CTDP1: variants seen among roughly 807,000 people sequenced by gnomAD.
CTDP1 encodes the protein RNA polymerase II subunit A C-terminal domain phosphatase.
A neutral mutation model predicts 91.8 loss-of-function variants in CTDP1; 47 were observed. That is an observed-to-expected ratio of 0.51 (90% CI 0.41 to 0.65). The LOEUF is 0.65. Among genes scored for constraint, CTDP1 ranks in the 30% least tolerant of loss-of-function variants. The pLI is 0.00. For missense variants in CTDP1, 1,272 were observed against 1,373.7 expected (o/e 0.93, Z 1.17); for synonymous variants, 656 against 598.5 (o/e 1.10, Z -1.40).
intron 11 of CTDP1, 77 bp from the exon 12 acceptor site, chr18:79,736,278 C>T (rs2086664766): frequency 7.1e-6 from 11 of 1,539,692 alleles, no homozygotes; most frequent in Non-Finnish European, 6.1e-6. Context: ...GAGCCCTGGA[C>T]TCTGCCGGGA....
chr18:79,678,042 CAG>C (rs964456269), upstream of CTDP1: 5 of 152,272 alleles, frequency 3.3e-5, no homozygotes, highest in South Asian at 2.1e-4. Flanking sequence ...GAGAAAGCAG[CAG>C]AGATAGTCAA....
Position 79,729,046 on chromosome 18 carries a change from G to A in CTDP1, c.2557G>A (p.Asp853Asn). 1.2e-6 allele frequency: 2 copies of A among 1,613,718 alleles called. No homozygotes were observed. The highest frequency in any genetic ancestry group is 1.7e-6 in the Non-Finnish European group (2 of 1,180,040). ...TMPLYTLCKE[D>N]LESMDKEVDD... is the part of the protein sequence containing the mutation. ...GCCGCTGTACACTCTTTGTAAGGAG[G>A]ATTTAGAGAGTATGGACAAAGAGGT... Residue 853 changes from aspartate to asparagine, a missense_variant, in exon 11 of 13, where the codon GAT (aspartate) becomes AAT (asparagine). This residue lies in a region of CTDP1 where 881 missense variants were observed against 911.6 expected (regional missense o/e 0.97). Coordinates refer to ENST00000613122, the MANE Select transcript of CTDP1 (RefSeq NM_004715.5).
rs2086164149 is a variant in CTDP1, at chr18:79,714,759, C to T, written c.1299C>T (p.Gly433=). 6.2e-7 allele frequency: 1 copy of T among 1,600,516 alleles called. No homozygotes were observed. The highest frequency in any genetic ancestry group is 1.7e-5 in the Admixed American group (1 of 57,522). Residue 433 remains glycine (G), a synonymous_variant, in exon 8 of 13, where the codon GGC becomes GGT. Coordinates refer to ENST00000613122, the MANE Select transcript of CTDP1 (RefSeq NM_004715.5). ...CCCAGGGATCCTGTGCGCAGGGTGG[C>T]CGGGTGGCACCGGGACAGCGGCCTG... ...PEPQGSCAQG[G]RVAPGQRPAQ...
rs868676183 is a variant in CTDP1 at position 79,679,857 on chromosome 18, G to A, written c.-91G>A. On this transcript the variant is annotated 5_prime_UTR_variant, in exon 1 of 13. Transcript: ENST00000613122. Reference sequence around the variant, plus strand: ...AGCCGGTACCGAGAGGAACTACAGCGTCGCCGCCTGGGTTGTGTCGCCGCG... The same window carrying A: ...AGCCGGTACCGAGAGGAACTACAGCATCGCCGCCTGGGTTGTGTCGCCGCG... The A allele has an allele frequency of 3.9e-5, 47 of 1,220,760 alleles. No individual in the cohort carries two copies. In the Middle Eastern group the frequency reaches 1.2e-3, roughly 32 times the overall value. 75.6% of individuals were successfully genotyped at this position (1,220,760 alleles called of 1,614,324 possible).
intron 4 of CTDP1, among the ~76,000 whole-genome samples, chr18:79,701,316 C>G (rs2085850982): frequency 6.6e-6 from 1 of 152,032 alleles, no homozygotes; most frequent in South Asian, 2.1e-4. Flanking sequence ...CAAGACCATC[C>G]TGGCTAATGC....
Position 79,710,330 on chromosome 18 carries a change from T to C in CTDP1, c.773-16T>C. 6.2e-7 allele frequency: 1 copy of C among 1,602,568 alleles called. No homozygotes were observed. Among genetic ancestry groups the C allele is most frequent in the Non-Finnish European group, 8.6e-7 (1 of 1,169,588 alleles). ...TGTCTCAGGTATGTAATCTTTGTCCTGTTTTCTTTTCCAAGGCTTTTTAGA... is the reference window on the plus strand; with the variant it reads ...TGTCTCAGGTATGTAATCTTTGTCCCGTTTTCTTTTCCAAGGCTTTTTAGA... On this transcript the variant is annotated splice_polypyrimidine_tract_variant and intron_variant, in intron 5 of 12. Coordinates refer to ENST00000613122, the MANE Select transcript of CTDP1 (RefSeq NM_004715.5).
chr18:79,714,455 A>G, intron 7 of CTDP1, 36 bp from the exon 8 acceptor site: 3 of 1,607,212 alleles, frequency 1.9e-6, no homozygotes, highest in Non-Finnish European at 2.6e-6. Flanking sequence ...TTTAATGCTA[A>G]ATTGCGGTAA....
rs2086156207 is a variant in CTDP1 at position 79,714,572 on chromosome 18, TG to T, written c.1114del (p.Glu372SerfsTer13). On this transcript the variant is annotated frameshift_variant, in exon 8 of 13. Transcript: ENST00000613122. LOFTEE classifies it high-confidence loss of function. Reference protein sequence around the residue: ...DPEGVTQAPGVEPSNGLEKPA... With the variant: ...DPEGVTQAPGXEPSNGLEKPA... ...GAGGGGGTAACGCAGGCCCCTGGAGTGGAGCCCAGCAATGGCCTGGAGAAGC... is the reference window on the plus strand; with the variant it reads ...GAGGGGGTAACGCAGGCCCCTGGAGTGAGCCCAGCAATGGCCTGGAGAAGC... 1 of 1,613,026 alleles carries T rather than the reference TG, an allele frequency of 6.2e-7. No individual in the cohort carries two copies. The highest frequency in any genetic ancestry group is 8.5e-7 in the Non-Finnish European group (1 of 1,180,000).
In CTDP1 at chr18:79,715,059, G is replaced by A; in HGVS notation, c.1599G>A (p.Gln533=). 6.2e-7 allele frequency: 1 copy of A among 1,611,416 alleles called. No homozygotes were observed. Residue 533 remains glutamine (Q), a synonymous_variant, in exon 8 of 13, where the codon CAG becomes CAA. Transcript: ENST00000613122. Reference sequence around the variant, plus strand: ...ACAAGGAGCCTGAGCTGGGTGGGCAGGAGGAGGGCGAGCGGGATGGCCTCT... The same window carrying A: ...ACAAGGAGCCTGAGCTGGGTGGGCAAGAGGAGGGCGAGCGGGATGGCCTCT... ...APDKEPELGG[Q]EEGERDGLCG...
At position 79,715,546 on chromosome 18, in the gene CTDP1, G is replaced by A. The variant is rs1450859565; in HGVS notation, c.2068+18G>A. 8.4e-6 allele frequency: 13 copies of A among 1,539,984 alleles called. No homozygotes were observed. The highest frequency in any genetic ancestry group is 4.4e-4 in the Middle Eastern group (2 of 4,572). On this transcript the variant is annotated intron_variant, in intron 8 of 12. Transcript: ENST00000613122. ...GCGAGCTGGTGAGTGCTGCCTCCCT[G>A]TGCCCTGGGCATGGTCAGGCCCGCG...
intron 8 of CTDP1, among the ~76,000 whole-genome samples, chr18:79,717,112 C>G (rs905027808): frequency 2.0e-5 from 3 of 150,880 alleles, no homozygotes; most frequent in African/African-American, 4.9e-5. Context: ...AGTGAGGGCC[C>G]TGAGCCCTGG....
Position 79,714,621 on chromosome 18 carries a change from CGA to C in CTDP1, c.1163_1164del (p.Glu388GlyfsTer36). 1 of 1,612,708 alleles carries C rather than the reference CGA, an allele frequency of 6.2e-7. No individual in the cohort carries two copies. The highest frequency in any genetic ancestry group is 8.5e-7 in the Non-Finnish European group (1 of 1,179,910). ...EKPARELNGSEAATPRDSPRP... is the reference protein window; with the variant it reads ...EKPARELNGSXAATPRDSPRP... Reference sequence around the variant, plus strand: ...AGCCTGCACGGGAGCTGAACGGCAGCGAGGCCGCCACCCCGCGGGACTCACCC... The same window carrying C: ...AGCCTGCACGGGAGCTGAACGGCAGCGGCCGCCACCCCGCGGGACTCACCC... On this transcript the variant is annotated frameshift_variant, in exon 8 of 13. Coordinates refer to ENST00000613122, the MANE Select transcript of CTDP1 (RefSeq NM_004715.5). LOFTEE classifies it high-confidence loss of function.
rs1285400617 is a variant in CTDP1 at position 79,713,134 on chromosome 18, G to T, written c.1026G>T (p.Lys342Asn). The change falls in exon 7 of 13, where the codon AAG (lysine) becomes AAT (asparagine). Residue 342 changes from lysine (K) to asparagine (N), a missense_variant. Lys to Asn is a moderately conservative substitution (Grantham distance 94). Around this residue, in one of 3 missense-constraint regions of CTDP1, gnomAD observed 881 missense variants for 911.6 expected, o/e 0.97. Transcript: ENST00000613122. The surrounding 1 kb of genome is among the most constrained non-coding windows in gnomAD (Gnocchi z 4.7). ...PPGSRESQTR[K>N]KVNHSRGTEV... Reference sequence around the variant, plus strand: ...GGTCCCGAGAATCTCAGACGAGAAAGAAAGGTGGGTAACCTCCTTCCTGAT... The same window carrying T: ...GGTCCCGAGAATCTCAGACGAGAAATAAAGGTGGGTAACCTCCTTCCTGAT... 5 of 1,613,842 alleles carry T rather than the reference G, an allele frequency of 3.1e-6. No homozygotes were observed. Among genetic ancestry groups the T allele is most frequent in the Non-Finnish European group, 2.5e-6 (3 of 1,179,934 alleles).
intron 1 of CTDP1, among the ~76,000 whole-genome samples, chr18:79,688,054 CGTT>C (rs1479800317): frequency 6.6e-6 from 1 of 152,206 alleles, no homozygotes; most frequent in Non-Finnish European, 1.5e-5. Context: ...ATTCCTCAGA[CGTT>C]GTGCTTTACA....
At chr18:79,745,346 C>CGCGTCCCTCCCGTGCGCGTTCTGTCCCT (rs2086864103) in intron 12 of CTDP1, among the ~76,000 whole-genome samples, 1 of 28,576 alleles carries the variant, frequency 3.5e-5, no homozygotes, top group Non-Finnish European at 7.2e-5. Flanking sequence ...GTTCTGTGCC[C>CGCGTCCCTCCCGTGCGCGTTCTGTCCCT]GCGTCCCTCC....
chr18:79,679,322 C>G (rs1039398470), upstream of CTDP1: 6 of 431,648 alleles, frequency 1.4e-5, no homozygotes, highest in South Asian at 8.0e-5. Flanking sequence ...AGGACGCCGA[C>G]AGCCTCACGT....
chr18:79,682,368 G>A (rs1456437995), intron 1 of CTDP1, among the ~76,000 whole-genome samples: 1 of 152,218 alleles, frequency 6.6e-6, no homozygotes, highest in Non-Finnish European at 1.5e-5. Context: ...CCCTGTGATG[G>A]GAGTAGCGCC....
chr18:79,680,508 G>A (rs1332249769), intron 1 of CTDP1, among the ~76,000 whole-genome samples: 4 of 152,376 alleles, frequency 2.6e-5, no homozygotes, highest in East Asian at 1.9e-4. Context: ...GTTTGGAAAA[G>A]CTATGTTTGT....
chr18:79,706,173 G>A (rs2085963397), intron 5 of CTDP1, among the ~76,000 whole-genome samples: 2 of 152,332 alleles, frequency 1.3e-5, no homozygotes, highest in Non-Finnish European at 2.9e-5. Context: ...GCAGCAAGCC[G>A]GCGCCCACTG....
Sources: allele counts gnomAD v4.1 joint callset (sites outside exome capture counted in the v4.1 genomes callset), GRCh38; gene constraint gnomAD v4.1.1; regional missense constraint gnomAD v4.1.1; non-coding constraint Gnocchi (gnomAD v3.1); transcripts MANE v1.5; gene names NCBI Gene and HGNC (gene_info 2026-07-23, HGNC 2026-07-21).